CHP1: variants seen among roughly 807,000 people sequenced by gnomAD.
CHP1 encodes the protein calcineurin like EF-hand protein 1.
A neutral mutation model predicts 27.4 loss-of-function variants in CHP1; 11 were observed. The observed-to-expected ratio is 0.40, with a 90% CI of 0.25 to 0.67. The LOEUF is 0.67. CHP1 is among the 30% of genes least tolerant of loss of function. The pLI is 0.38. For missense variants in CHP1, 169 were observed against 251.3 expected (o/e 0.67, Z 2.22); for synonymous variants, 89 against 87.4 (o/e 1.02, Z -0.10).
chr15:41,246,059 C>T (rs1452325907), intron 2 of CHP1, among the ~76,000 whole-genome samples: 7 of 151,958 alleles, frequency 4.6e-5, no homozygotes, highest in East Asian at 1.9e-4. Flanking sequence ...TCGTTGAAGA[C>T]GCTATTAAAA....
At chr15:41,266,744 G>A (rs2047463017) in intron 4 of CHP1, among the ~76,000 whole-genome samples, 1 of 152,210 alleles carries the variant, frequency 6.6e-6, no homozygotes, top group Admixed American at 6.5e-5. Context: ...GCTCACACCT[G>A]TAATCCCAGC....
chr15:41,256,032 A>G (rs147259756), intron 2 of CHP1, among the ~76,000 whole-genome samples: 14 of 152,262 alleles, frequency 9.2e-5, no homozygotes, highest in African/African-American at 2.6e-4. Flanking sequence ...AAAGTTCAAT[A>G]TAGGAAAGAA....
intron 2 of CHP1, among the ~76,000 whole-genome samples, chr15:41,246,338 A>G (rs2047334273): frequency 6.6e-6 from 1 of 151,030 alleles, no homozygotes; most frequent in Non-Finnish European, 1.5e-5. Context: ...TTTTTTTTTA[A>G]GATGGAGTTT....
intron 5 of CHP1, among the ~76,000 whole-genome samples, chr15:41,277,742 C>A (rs1008932440): frequency 6.7e-6 from 1 of 149,090 alleles, no homozygotes; most frequent in African/African-American, 2.5e-5. Flanking sequence ...GAGCCGAGAT[C>A]GTGCCATTGC....
chr15:41,265,298 A>G (rs1304640393), intron 4 of CHP1, among the ~76,000 whole-genome samples: 1 of 126,328 alleles, frequency 7.9e-6, no homozygotes, highest in Non-Finnish European at 1.6e-5. Context: ...TGGGAGGTGG[A>G]GGCTACAGTG....
chr15:41,278,195 C>T (rs1305578826), intron 5 of CHP1, among the ~76,000 whole-genome samples: 8 of 151,472 alleles, frequency 5.3e-5, no homozygotes, highest in Non-Finnish European at 1.2e-4. Context: ...TAGCCGGGCA[C>T]GGTGGCAGGC....
chr15:41,246,778 G>A (rs565956955), intron 2 of CHP1, among the ~76,000 whole-genome samples: 2 of 150,820 alleles, frequency 1.3e-5, no homozygotes, highest in African/African-American at 4.9e-5. Flanking sequence ...GGTGGCAGGC[G>A]CCTGTAGTCC....
intron 3 of CHP1, among the ~76,000 whole-genome samples, chr15:41,258,002 G>T (rs546166864): frequency 6.6e-6 from 1 of 152,110 alleles, no homozygotes; most frequent in Non-Finnish European, 1.5e-5. Flanking sequence ...TTGTACACCC[G>T]TGCTTACTCT....
In CHP1 at chr15:41,262,257, A is replaced by T. The variant is rs929429165; in HGVS notation, c.222-499A>T. Among the ~76,000 whole-genome samples, 3 of 152,166 alleles carry T rather than the reference A, an allele frequency of 2.0e-5. No individual in the cohort carries two copies. The South Asian group carries it at 6.2e-4, about 32-fold the overall frequency. ...ATAAATAAGAAAAATTAAAAATTAA[A>T]TAAACTTTATTTTAAAAGCGGCCTT... On this transcript the variant is annotated intron_variant, in intron 3 of 6. Transcript: ENST00000334660.
chr15:41,261,992 CAAA>C (rs34691506), intron 3 of CHP1, among the ~76,000 whole-genome samples: 39 of 84,024 alleles, frequency 4.6e-4, no homozygotes, highest in African/African-American at 7.9e-4. Context: ...AACTCCATCT[CAAA>C]AAAAAAAAAA....
intron 1 of CHP1, among the ~76,000 whole-genome samples, chr15:41,242,942 T>G (rs1340747869): frequency 6.7e-6 from 1 of 149,596 alleles, no homozygotes; most frequent in African/African-American, 2.4e-5. Flanking sequence ...AAACCCCATC[T>G]CAGAAAAAAA....
chr15:41,260,490 GT>G lies in CHP1; in HGVS notation c.222-2264del, dbSNP rs140196115. Among the ~76,000 whole-genome samples, 261 of 150,978 alleles carry G rather than the reference GT, an allele frequency of 1.7e-3. 2 individuals are homozygous for G. Among genetic ancestry groups the G allele is most frequent in the African/African-American group, 6.1e-3 (249 of 41,058 alleles). On this transcript the variant is annotated intron_variant, in intron 3 of 6. Transcript: ENST00000334660. ...ACTCATTGCACCCTCCATCTTTGGG[GT>G]TCAAGTGATTCTCCTGCCTCAGGCT...
At chr15:41,239,495 C>T (rs1320069147) in intron 1 of CHP1, among the ~76,000 whole-genome samples, 2 of 151,894 alleles carry the variant, frequency 1.3e-5, no homozygotes, top group East Asian at 3.9e-4. Context: ...CCTCCATCTC[C>T]CAGGATCAAG....
chr15:41,244,353 T>A (rs1433929775), intron 2 of CHP1, among the ~76,000 whole-genome samples: 1 of 152,170 alleles, frequency 6.6e-6, no homozygotes, highest in East Asian at 1.9e-4. Context: ...TTTCCCATAA[T>A]CCTTTCCCAA....
chr15:41,274,793 T>TG (rs1175767900), intron 5 of CHP1, among the ~76,000 whole-genome samples: 1 of 105,040 alleles, frequency 9.5e-6, no homozygotes, highest in Non-Finnish European at 1.7e-5. Context: ...TGTCTTTGTT[T>TG]TTTTTTTTTT....
At chr15:41,254,585 T>G (rs1360770656) in intron 2 of CHP1, among the ~76,000 whole-genome samples, 1 of 152,240 alleles carries the variant, frequency 6.6e-6, no homozygotes, top group Non-Finnish European at 1.5e-5. Context: ...TATGAATGAC[T>G]TCTTCTGGTT....
chr15:41,254,253 G>A (rs982649085), intron 2 of CHP1, among the ~76,000 whole-genome samples: 1 of 152,136 alleles, frequency 6.6e-6, no homozygotes, highest in African/African-American at 2.4e-5. Flanking sequence ...TGAGACTGAA[G>A]TTCAGGCTAG....
At chr15:41,231,482 G>A (rs1162148501) in intron 1 of CHP1, 33 bp downstream of exon 1, 3 of 1,577,334 alleles carry the variant, frequency 1.9e-6, no homozygotes, top group Admixed American at 1.9e-5. Context: ...AACGCCGGGC[G>A]CCTCAGGCTG....
At chr15:41,251,804 CTT>C (rs568323569) in intron 2 of CHP1, among the ~76,000 whole-genome samples, 16 of 133,986 alleles carry the variant, frequency 1.2e-4, no homozygotes, top group African/African-American at 1.4e-4. Context: ...TGCCAGCTGC[CTT>C]TTTTTTTTTT....
Sources: allele counts gnomAD v4.1 joint callset (sites outside exome capture counted in the v4.1 genomes callset), GRCh38; gene constraint gnomAD v4.1.1; transcripts MANE v1.5; gene names NCBI Gene and HGNC (gene_info 2026-07-23, HGNC 2026-07-21).